FAM149A: variants seen among roughly 807,000 people sequenced by gnomAD.
FAM149A encodes the protein protein FAM149A.
FAM149A carries 71 observed loss-of-function variants against 78.2 expected under a neutral mutation model. The ratio of observed to expected loss-of-function variants is 0.91; its 90% CI spans 0.75 to 1.11. The LOEUF (loss-of-function observed/expected upper bound fraction) is 1.11, where lower values mean the gene tolerates loss of function less well. Ranked by LOEUF, FAM149A falls within the 50% of genes least tolerant of loss-of-function variation. The probability of loss-of-function intolerance (pLI) is 0.00; values close to 1 mark genes in which losing one functional copy is unlikely to be tolerated. For missense variants in FAM149A, 1,036 were observed against 971.0 expected (o/e 1.07, Z -0.89); for synonymous variants, 446 against 410.5 (o/e 1.09, Z -1.04).
chr4:186,105,785 A>G, intron 1 of FAM149A, 143 bp downstream of exon 1: 1 of 489,508 alleles, frequency 2.0e-6, no homozygotes, highest in Non-Finnish European at 2.7e-6. Flanking sequence ...CCCTCCTTGC[A>G]CGTTTCCTGG....
intron 10 of FAM149A, 45 bp downstream of exon 10, chr4:186,163,678 C>T: frequency 1.4e-6 from 2 of 1,398,120 alleles, no homozygotes; most frequent in Non-Finnish European, 2.0e-6. Flanking sequence ...CACGGAGGAC[C>T]TAGATGCTTC....
intron 1 of FAM149A, chr4:186,146,794 A>T (rs1029563226): frequency 1.0e-6 from 1 of 985,306 alleles, no homozygotes; most frequent in Non-Finnish European, 1.2e-6. Context: ...GAATATTTTC[A>T]TGTCAGGTCA....
rs9999291 is a variant in FAM149A at position 186,141,062 on chromosome 4, T to C, written c.567-8111T>C. On this transcript the variant is annotated intron_variant, in intron 1 of 13. Transcript: ENST00000389354. The stretch of plus-strand genomic sequence containing the variant: ...CTGACTGATGTGAGATGGTATCTCA[T>C]TGTGGCTTTGATTTGCATTTCTCTA... 9.5e-3 allele frequency among the ~76,000 whole-genome samples: 1,442 copies of C among 152,332 alleles called. 33 individuals are homozygous for C. The highest frequency in any genetic ancestry group is 0.033 in the African/African-American group (1,361 of 41,570).
intron 1 of FAM149A, chr4:186,145,180 G>A: frequency 1.0e-6 from 1 of 980,662 alleles, no homozygotes; most frequent in Non-Finnish European, 1.2e-6. Flanking sequence ...GGTGTTCTCC[G>A]CCCGCGGGCC....
chr4:186,144,048 C>CA lies in FAM149A; in HGVS notation c.567-5124dup, dbSNP rs1179738179. ...CGGGGATGAGTGTTGTACCGGCACCCAGTGCACTAACTGTCATTACTAAAA... is the reference window on the plus strand; with the variant it reads ...CGGGGATGAGTGTTGTACCGGCACCCAAGTGCACTAACTGTCATTACTAAAA... On this transcript the variant is annotated intron_variant, in intron 1 of 13. Transcript: ENST00000389354. The surrounding 1 kb of genome is among the most constrained non-coding windows in gnomAD (Gnocchi z 4.2). 6.6e-6 allele frequency: 1 copy of CA among 152,148 alleles called. No individual in the cohort carries two copies. Among genetic ancestry groups the CA allele is most frequent in the Non-Finnish European group, 1.5e-5 (1 of 68,030 alleles). 9.4% of individuals were successfully genotyped at this position (152,148 alleles called of 1,614,324 possible).
At position 186,105,549 on chromosome 4, in the gene FAM149A, T is replaced by C. The variant is rs1293108828; in HGVS notation, c.473T>C (p.Val158Ala). The C allele has an allele frequency of 8.8e-6, 10 of 1,134,598 alleles. No individual in the cohort carries two copies. Among genetic ancestry groups the C allele is most frequent in the Non-Finnish European group, 1.1e-5 (10 of 919,862 alleles). 70.3% of individuals were successfully genotyped at this position (1,134,598 alleles called of 1,614,324 possible). The change falls in exon 1 of 14, where the codon GTG becomes GCG. Residue 158 changes from valine to alanine, a missense_variant. Val to Ala is a moderately conservative substitution (Grantham distance 64). Transcript: ENST00000389354. ...GGAGAGCGAGAGCTCGGCGCCTGCG[T>C]GGCCCCCGGGGCTGGCCCCAGAACC...
intron 1 of FAM149A, among the ~76,000 whole-genome samples, chr4:186,136,976 T>TTTC: frequency 1.4e-5 from 1 of 72,120 alleles, no homozygotes; most frequent in East Asian, 6.4e-4. Context: ...CTCTCTCTCT[T>TTTC]TCTCTCTCTC....
intron 11 of FAM149A, among the ~76,000 whole-genome samples, chr4:186,166,638 G>A (rs1028009601): frequency 6.6e-5 from 8 of 120,572 alleles, no homozygotes; most frequent in South Asian, 2.9e-4. Context: ...GTGACAGAGC[G>A]AGACTCTGTT....
chr4:186,105,408 CCACT>C lies in FAM149A; in HGVS notation c.334_337del (p.Thr112ProfsTer91). 5 of 1,186,448 alleles carry C rather than the reference CCACT, an allele frequency of 4.2e-6. No homozygotes were observed. Among genetic ancestry groups the C allele is most frequent in the Non-Finnish European group, 5.3e-6 (5 of 946,172 alleles). The allele number at this position is 1,186,448 out of a possible 1,614,324, so 73.5% of individuals were successfully genotyped here. ...GCGGGTAAAGCCCCGCCCCAGCCCC[CCACT>C]CCCTCCGGCGGGGGCTGCTCCCCTG... On this transcript the variant is annotated frameshift_variant, in exon 1 of 14. Transcript: ENST00000389354. LOFTEE classifies it high-confidence loss of function.
At chr4:186,118,809 G>A (rs2099314787) in intron 1 of FAM149A, among the ~76,000 whole-genome samples, 1 of 152,208 alleles carries the variant, frequency 6.6e-6, no homozygotes, top group South Asian at 2.1e-4. Context: ...GTCATCGGAT[G>A]CAGCCTCCAG....
chr4:186,154,806 C>A, intron 6 of FAM149A, 168 bp downstream of exon 6: 1 of 985,346 alleles, frequency 1.0e-6, no homozygotes, highest in Non-Finnish European at 1.2e-6. Context: ...TCCTAGCCAG[C>A]GGTGCACGTG....
At chr4:186,166,236 A>T (rs1232609915) in intron 11 of FAM149A, among the ~76,000 whole-genome samples, 1 of 151,828 alleles carries the variant, frequency 6.6e-6, no homozygotes, top group Non-Finnish European at 1.5e-5. Context: ...TGAGAGAAAA[A>T]CCCTACCTGG....
chr4:186,144,718 C>G lies in FAM149A; in HGVS notation c.567-4455C>G. On this transcript the variant is annotated intron_variant, in intron 1 of 13. Transcript: ENST00000389354. This position sits in a 1 kb window ranked among gnomAD's most constrained non-coding sequence, Gnocchi z 4.2. The stretch of plus-strand genomic sequence containing the variant: ...GGGGAAGGCGCGCTTTCCCGGAGGT[C>G]GGCGCGGGGCCGGGGCCGGGGCCGG... The G allele has an allele frequency of 7.4e-6, 3 of 404,276 alleles. No individual in the cohort carries two copies. Among genetic ancestry groups the G allele is most frequent in the Non-Finnish European group, 9.0e-6 (3 of 332,922 alleles). The allele number at this position is 404,276 out of a possible 1,614,324, so 25.0% of individuals were successfully genotyped here. A position where few individuals can be genotyped will look rare whatever the true frequency, so the allele number is the denominator to read the frequency against.
chr4:186,133,107 G>C, intron 1 of FAM149A: 1 of 985,398 alleles, frequency 1.0e-6, no homozygotes, highest in South Asian at 4.7e-5. Flanking sequence ...GTGGGTAAAG[G>C]TTAGACAGGA....
chr4:186,118,547 G>T (rs990484106), intron 1 of FAM149A, among the ~76,000 whole-genome samples: 1 of 152,080 alleles, frequency 6.6e-6, no homozygotes, highest in Non-Finnish European at 1.5e-5. Context: ...AAAATGATCT[G>T]ACACTACAGA....
intron 1 of FAM149A, among the ~76,000 whole-genome samples, chr4:186,128,047 A>G (rs181448905): frequency 2.8e-4 from 31 of 110,924 alleles, no homozygotes; most frequent in African/African-American, 1.1e-3. Context: ...CTGGAGTGCA[A>G]TGGTACGATT....
chr4:186,150,488 C>G lies in FAM149A; in HGVS notation c.789+784C>G, dbSNP rs56219167. Among the ~76,000 whole-genome samples the G allele has an allele frequency of 5.6e-3, 693 of 124,584 alleles. 7 individuals are homozygous for G. The highest frequency in any genetic ancestry group is 0.019 in the African/African-American group (630 of 33,290). The allele number at this position is 124,584 out of a possible 152,430, so 81.7% of individuals were successfully genotyped here. On this transcript the variant is annotated intron_variant, in intron 3 of 13. Coordinates refer to ENST00000389354, the MANE Select transcript of FAM149A (RefSeq NM_001367768.3). Reference sequence around the variant, plus strand: ...AGGCTGGAGTGCAGGGGCGCGATCTCGGCTCACTGCAAGCTCCGCCTCCCG... The same window carrying G: ...AGGCTGGAGTGCAGGGGCGCGATCTGGGCTCACTGCAAGCTCCGCCTCCCG...
intron 1 of FAM149A, among the ~76,000 whole-genome samples, chr4:186,129,225 T>C (rs1042552120): frequency 1.3e-4 from 19 of 151,886 alleles, no homozygotes; most frequent in African/African-American, 4.6e-4. Context: ...GTGTGTGTGC[T>C]CCGAATACAC....
At chr4:186,145,044 G>A (rs907438) in intron 1 of FAM149A, 582 of 983,918 alleles carry the variant, frequency 5.9e-4, no homozygotes, top group Non-Finnish European at 6.7e-4. Flanking sequence ...TCTGCCTGAC[G>A]GTGCCCGAGC....
Sources: allele counts gnomAD v4.1 joint callset (sites outside exome capture counted in the v4.1 genomes callset), GRCh38; gene constraint gnomAD v4.1.1; non-coding constraint Gnocchi (gnomAD v3.1); transcripts MANE v1.5; gene names NCBI Gene and HGNC (gene_info 2026-07-23, HGNC 2026-07-21).